TNNI3K: variants seen among roughly 807,000 people sequenced by gnomAD.
TNNI3K encodes serine/threonine-protein kinase TNNI3K.
In TNNI3K, 140 loss-of-function variants were observed where a neutral mutation model predicts 114.5. The ratio of observed to expected loss-of-function variants is 1.22; its 90% confidence interval spans 1.07 to 1.41. The LOEUF is 1.41. TNNI3K is among the 40% of genes most tolerant of loss of function. TNNI3K has a pLI of 0.00. For missense variants in TNNI3K, 1,125 were observed against 1,007.6 expected (o/e 1.12, Z -1.58); for synonymous variants, 347 against 347.5 (o/e 1.00, Z 0.02).
chr1:74,389,911 AG>A (rs1663676379), intron 17 of TNNI3K, among the ~76,000 whole-genome samples: 1 of 152,162 alleles, frequency 6.6e-6, no homozygotes, highest in African/African-American at 2.4e-5. Context: ...AAAAGGAGAG[AG>A]GGGTAATCAT....
chr1:74,504,358 C>T (rs911986384), intron 23 of TNNI3K, among the ~76,000 whole-genome samples: 2 of 152,110 alleles, frequency 1.3e-5, no homozygotes, highest in East Asian at 1.9e-4. Flanking sequence ...ACGAGTGAGG[C>T]CTCCTCCAGC....
intron 23 of TNNI3K, among the ~76,000 whole-genome samples, chr1:74,497,414 C>A (rs187092044): frequency 1.1e-3 from 163 of 152,158 alleles, no homozygotes; most frequent in African/African-American, 3.7e-3. Flanking sequence ...TATCCTCTCT[C>A]CATCCCTAAC....
chr1:74,361,011 T>C (rs934445123), intron 11 of TNNI3K, among the ~76,000 whole-genome samples: 1 of 152,078 alleles, frequency 6.6e-6, no homozygotes, highest in African/African-American at 2.4e-5. Context: ...TTAGACAACA[T>C]TCTTTTCCAT....
At chr1:74,260,335 G>C (rs1655588019) in intron 4 of TNNI3K, among the ~76,000 whole-genome samples, 2 of 152,286 alleles carry the variant, frequency 1.3e-5, no homozygotes, top group Admixed American at 6.5e-5. Flanking sequence ...AAATTAGTGA[G>C]TGTCCAAACA....
At chr1:74,474,290 C>T (rs1158006732) in intron 21 of TNNI3K, among the ~76,000 whole-genome samples, 1 of 152,056 alleles carries the variant, frequency 6.6e-6, no homozygotes, top group African/African-American at 2.4e-5. Context: ...GCCAGTCTGA[C>T]CTGGTTTCTA....
At chr1:74,464,239 C>T (rs544829639) in intron 21 of TNNI3K, among the ~76,000 whole-genome samples, 2 of 152,208 alleles carry the variant, frequency 1.3e-5, no homozygotes, top group Admixed American at 6.5e-5. Context: ...AGAGTGTCAC[C>T]GAGGAGATTG....
intron 17 of TNNI3K, among the ~76,000 whole-genome samples, chr1:74,423,902 T>C (rs560021185): frequency 7.2e-5 from 11 of 152,266 alleles, no homozygotes; most frequent in Non-Finnish European, 1.2e-4. Context: ...GTAATACTTA[T>C]CATTATAATT....
intron 17 of TNNI3K, chr1:74,372,606 T>G (rs1336860199): frequency 6.6e-6 from 1 of 151,932 alleles, no homozygotes; most frequent in Non-Finnish European, 1.5e-5. Context: ...AGATGATAAA[T>G]TAGCATAATA....
intron 11 of TNNI3K, among the ~76,000 whole-genome samples, chr1:74,364,628 T>C (rs1662166604): frequency 1.3e-5 from 2 of 151,676 alleles, no homozygotes; most frequent in Admixed American, 6.6e-5. Context: ...TGGGGAAGAA[T>C]CAAGGTTGTT....
chr1:74,457,928 C>T (rs1464266487), intron 20 of TNNI3K, among the ~76,000 whole-genome samples: 1 of 152,132 alleles, frequency 6.6e-6, no homozygotes, highest in Non-Finnish European at 1.5e-5. Context: ...TAATATTTTA[C>T]TTGGTATTCA....
At chr1:74,239,854 G>T (rs1401653620) in intron 2 of TNNI3K, 7 of 443,914 alleles carry the variant, frequency 1.6e-5, no homozygotes, top group Non-Finnish European at 3.3e-5. Flanking sequence ...AGCAGCTTTG[G>T]AATGGGAGCT....
chr1:74,445,932 TC>T (rs1666645849), intron 20 of TNNI3K, among the ~76,000 whole-genome samples: 1 of 152,208 alleles, frequency 6.6e-6, no homozygotes, highest in Non-Finnish European at 1.5e-5. Context: ...CTTAATCCAG[TC>T]TATCATTGTT....
intron 5 of TNNI3K, among the ~76,000 whole-genome samples, chr1:74,276,843 T>C (rs181189935): frequency 6.6e-6 from 1 of 152,264 alleles, no homozygotes; most frequent in Admixed American, 6.5e-5. Context: ...TCTTCTTCAA[T>C]AATAGAAGAG....
At chr1:74,406,453 C>G (rs964110921) in intron 17 of TNNI3K, among the ~76,000 whole-genome samples, 2 of 152,162 alleles carry the variant, frequency 1.3e-5, no homozygotes, top group Non-Finnish European at 2.9e-5. Context: ...GGTTGCAATC[C>G]TTGCATGTGG....
chr1:74,520,199 T>A (rs1415961034), intron 23 of TNNI3K, among the ~76,000 whole-genome samples: 1 of 152,162 alleles, frequency 6.6e-6, no homozygotes, highest in Non-Finnish European at 1.5e-5. Context: ...GTCATTCTTA[T>A]GCATGTGCAT....
intron 23 of TNNI3K, among the ~76,000 whole-genome samples, chr1:74,522,651 TGA>T (rs796275629): frequency 0.039 from 5,912 of 151,260 alleles, 369 homozygotes; most frequent in African/African-American, 0.13. Context: ...TGTGTGTGTG[TGA>T]GAGAGAGAGA....
intron 11 of TNNI3K, among the ~76,000 whole-genome samples, chr1:74,364,284 C>A (rs2100507350): frequency 6.6e-6 from 1 of 151,944 alleles, no homozygotes; most frequent in South Asian, 2.1e-4. Context: ...GGGTATGAGT[C>A]AAGACACTCA....
intron 21 of TNNI3K, among the ~76,000 whole-genome samples, chr1:74,482,436 G>T (rs1257840454): frequency 1.3e-5 from 2 of 152,206 alleles, no homozygotes; most frequent in African/African-American, 2.4e-5. Flanking sequence ...ATTTTAGATG[G>T]TGAGAGTTTA....
intron 17 of TNNI3K, among the ~76,000 whole-genome samples, chr1:74,420,800 C>T (rs1280928317): frequency 1.3e-5 from 2 of 152,084 alleles, no homozygotes; most frequent in Non-Finnish European, 2.9e-5. Flanking sequence ...TTTTATCAAT[C>T]TTTGAAACTA....
Sources: gnomAD v4.1 joint callset for allele counts (sites outside exome capture counted in the v4.1 genomes callset) on GRCh38, gnomAD v4.1.1 for gene constraint, MANE v1.5 for transcripts, NCBI Gene and HGNC (gene_info 2026-07-23, HGNC 2026-07-21) for gene names.